The following PTPRK variants were observed in gnomAD, a reference collection of about 807,000 sequenced individuals.
PTPRK encodes protein tyrosine phosphatase receptor type K, also known as receptor-type tyrosine-protein phosphatase kappa.
In PTPRK, 75 loss-of-function variants were observed where a neutral mutation model predicts 178.0. The ratio of observed to expected loss-of-function variants is 0.42; its 90% CI spans 0.35 to 0.51. The LOEUF is 0.51. Among genes scored for constraint, PTPRK ranks in the 20% least tolerant of loss-of-function variants. PTPRK has a pLI of 0.02. For synonymous variants in PTPRK, 637 were observed against 620.6 expected, an observed-to-expected ratio of 1.03 and a Z score of -0.39; for missense variants, 1,441 against 1,797.8, an observed-to-expected ratio of 0.80 and a Z score of 3.59.
intron 2 of PTPRK, among the ~76,000 whole-genome samples, chr6:128,332,237 G>C (rs1252183620): frequency 2.6e-5 from 4 of 152,108 alleles, no homozygotes; most frequent in Non-Finnish European, 4.4e-5. Context: ...TATGACATAG[G>C]AAACCTATGT....
chr6:128,099,118 A>G (rs17055281), intron 7 of PTPRK, among the ~76,000 whole-genome samples: 3,927 of 151,598 alleles, frequency 0.026, 78 homozygotes, highest in Middle Eastern at 0.093. Context: ...GGTATATATA[A>G]GAGAATCTGT....
At chr6:128,495,348 G>A (rs1405691265) in intron 1 of PTPRK, among the ~76,000 whole-genome samples, 1 of 151,972 alleles carries the variant, frequency 6.6e-6, no homozygotes, top group Admixed American at 6.6e-5. Context: ...CAATTTCAGG[G>A]AAAAGATAAA....
intron 13 of PTPRK, among the ~76,000 whole-genome samples, chr6:128,049,889 C>A (rs1031071525): frequency 5.3e-5 from 8 of 152,182 alleles, no homozygotes; most frequent in African/African-American, 1.9e-4. Flanking sequence ...GTAATCCCAG[C>A]ACTTTGGGAG....
At chr6:128,443,356 G>T (rs1341155887) in intron 1 of PTPRK, among the ~76,000 whole-genome samples, 1 of 151,950 alleles carries the variant, frequency 6.6e-6, no homozygotes, top group Non-Finnish European at 1.5e-5. Context: ...TTGAGAAGAA[G>T]AAAAGTAGGA....
chr6:128,046,622 T>A (rs533917438), intron 13 of PTPRK, among the ~76,000 whole-genome samples: 1 of 152,196 alleles, frequency 6.6e-6, no homozygotes, highest in Non-Finnish European at 1.5e-5. Flanking sequence ...ATAAAACATC[T>A]TAGTACAATT....
intron 7 of PTPRK, among the ~76,000 whole-genome samples, chr6:128,114,392 C>T (rs1434819180): frequency 5.9e-5 from 9 of 151,536 alleles, no homozygotes; most frequent in African/African-American, 1.5e-4. Flanking sequence ...CGGAGGTGGG[C>T]GGATCACCTA....
At chr6:127,973,201 G>C in intron 28 of PTPRK, 44 bp from the exon 29 acceptor site, 1 of 1,611,468 alleles carries the variant, frequency 6.2e-7, no homozygotes, top group Non-Finnish European at 8.5e-7. Context: ...GCAGCACCAA[G>C]TGACCACAGG....
intron 6 of PTPRK, among the ~76,000 whole-genome samples, chr6:128,185,579 T>C (rs528801270): frequency 1.3e-5 from 2 of 152,288 alleles, no homozygotes; most frequent in Admixed American, 1.3e-4. Flanking sequence ...ATAAAGTTCT[T>C]TGAATTCCTG....
Position 128,218,181 on chromosome 6 carries a change from C to T in PTPRK, c.868+741G>A, listed in dbSNP as rs114815832. Among the ~76,000 whole-genome samples, 601 of 152,198 alleles carry T rather than the reference C, an allele frequency of 3.9e-3. 8 individuals are homozygous for T. The highest frequency in any genetic ancestry group is 0.014 in the African/African-American group (568 of 41,520). On this transcript the variant is annotated intron_variant, in intron 6 of 29. Transcript: ENST00000368226. ...TTTTAACACCTGTCTATATAGTCTG[C>T]CTAACATAATTCAATATGATGCTCC...
At position 128,348,501 on chromosome 6, in the gene PTPRK, T is replaced by C. The variant is rs146484516; in HGVS notation, c.224-26191A>G. Among the ~76,000 whole-genome samples the C allele has an allele frequency of 2.8e-3, 423 of 151,934 alleles. 2 individuals are homozygous for C. Among genetic ancestry groups the C allele is most frequent in the African/African-American group, 9.3e-3 (387 of 41,546 alleles). On this transcript the variant is annotated intron_variant, in intron 2 of 29. Transcript: ENST00000368226. ...AAAATATATTTGTACTTAAAAACTA[T>C]GTTTATTGTATTTTATTCATGGTGA...
intron 3 of PTPRK, among the ~76,000 whole-genome samples, chr6:128,254,531 A>G (rs1344406057): frequency 6.6e-6 from 1 of 152,204 alleles, no homozygotes; most frequent in African/African-American, 2.4e-5. Context: ...TTCTTAAAAC[A>G]TATATTTAAA....
At chr6:128,366,892 C>T (rs1333017184) in intron 2 of PTPRK, among the ~76,000 whole-genome samples, 4 of 152,122 alleles carry the variant, frequency 2.6e-5, no homozygotes, top group Non-Finnish European at 4.4e-5. Flanking sequence ...CATCATGTTA[C>T]TTCCCTCCTA....
chr6:128,374,681 C>T (rs1342419805), intron 2 of PTPRK, among the ~76,000 whole-genome samples: 1 of 152,150 alleles, frequency 6.6e-6, no homozygotes, highest in East Asian at 1.9e-4. Flanking sequence ...ATTATCACAA[C>T]TGCCTAATAG....
chr6:128,478,170 G>A lies in PTPRK; in HGVS notation c.100+42089C>T, dbSNP rs954439465. On this transcript the variant is annotated intron_variant, in intron 1 of 29. Coordinates refer to ENST00000368226, the MANE Select transcript of PTPRK (RefSeq NM_002844.4). Reference sequence around the variant, plus strand: ...GAAAAAAAGCAGAACAAAGATCAAAGAGTTTAAAAATTGATGTGATTTTGC... The same window carrying A: ...GAAAAAAAGCAGAACAAAGATCAAAAAGTTTAAAAATTGATGTGATTTTGC... Among the ~76,000 whole-genome samples, 7 of 152,090 alleles carry A rather than the reference G, an allele frequency of 4.6e-5. No individual in the cohort carries two copies. The East Asian group carries it at 7.7e-4, about 17-fold the overall frequency.
intron 7 of PTPRK, among the ~76,000 whole-genome samples, chr6:128,119,866 C>T (rs1319851558): frequency 6.6e-6 from 1 of 151,964 alleles, no homozygotes; most frequent in Admixed American, 6.6e-5. Flanking sequence ...TCAGCAATAG[C>T]TATATACCAG....
At chr6:128,436,576 T>G (rs1845629751) in intron 1 of PTPRK, among the ~76,000 whole-genome samples, 1 of 151,994 alleles carries the variant, frequency 6.6e-6, no homozygotes, top group Non-Finnish European at 1.5e-5. Flanking sequence ...AAATAATAAG[T>G]GCTAACAATC....
chr6:128,320,016 A>G (rs181708891), intron 3 of PTPRK, among the ~76,000 whole-genome samples: 1 of 152,288 alleles, frequency 6.6e-6, no homozygotes, highest in East Asian at 1.9e-4. Context: ...TATGGCTCAA[A>G]TTTTAATCTG....
chr6:128,475,988 A>G (rs1261786715), intron 1 of PTPRK, among the ~76,000 whole-genome samples: 1 of 152,058 alleles, frequency 6.6e-6, no homozygotes, highest in African/African-American at 2.4e-5. Context: ...TGAACTCAGC[A>G]CTTAGAATTC....
At position 128,067,611 on chromosome 6, in the gene PTPRK, C is replaced by G; in HGVS notation, c.2065G>C (p.Asp689His). The G allele has an allele frequency of 6.2e-7, 1 of 1,613,426 alleles. No individual in the cohort carries two copies. The highest frequency in any genetic ancestry group is 2.2e-5 in the East Asian group (1 of 44,838). ...CAAAAGCCTTGGTAGGTCCGATTGT[C>G]ACCCACAGTGAACGGGGCAGGCTCA... ...LPEPAPFTVG[D>H]NRTYQGFWNP... Residue 689 changes from aspartate (D) to histidine (H), a missense_variant, in exon 12 of 30, where the codon GAC (aspartate) becomes CAC (histidine). Physicochemically the swap from Asp to His is moderately conservative, Grantham distance 81. This residue lies in a region of PTPRK where 945 missense variants were observed against 1,080.6 expected (regional missense o/e 0.87). Transcript: ENST00000368226.
Sources: allele counts gnomAD v4.1 joint callset (sites outside exome capture counted in the v4.1 genomes callset), GRCh38; gene constraint gnomAD v4.1.1; regional missense constraint gnomAD v4.1.1; transcripts MANE v1.5; gene names NCBI Gene and HGNC (gene_info 2026-07-23, HGNC 2026-07-21).